The following AGAP1 variants were observed in gnomAD, a reference collection of about 807,000 sequenced individuals.
AGAP1 encodes arf-GAP with GTPase, ANK repeat and PH domain-containing protein 1.
AGAP1 carries 29 observed loss-of-function variants against 105.3 expected under a neutral mutation model. That is an observed-to-expected ratio of 0.28 (90% CI 0.21 to 0.38). The LOEUF (loss-of-function observed/expected upper bound fraction) is 0.38. Among genes scored for constraint, AGAP1 ranks in the 10% least tolerant of loss-of-function variants. AGAP1 has a pLI of 1.00. For synonymous variants in AGAP1, 509 were observed against 485.9 expected, an observed-to-expected ratio of 1.05 and a Z score of -0.63; for missense variants, 998 against 1,165.1, an observed-to-expected ratio of 0.86 and a Z score of 2.09.
chr2:235,569,271 C>T lies in AGAP1; in HGVS notation c.163+74422C>T, dbSNP rs1265026180. On this transcript the variant is annotated intron_variant, in intron 1 of 17. Coordinates refer to ENST00000304032, the MANE Select transcript of AGAP1 (RefSeq NM_001037131.3). The surrounding 1 kb of genome is among the most constrained non-coding windows in gnomAD (Gnocchi z 5.9). ...CGGAGGTTGTAGTGACCCAAGATCA[C>T]GCCATTGCACTCCAGCCTGGGCGAC... Among the ~76,000 whole-genome samples, 5 of 152,102 alleles carry T rather than the reference C, an allele frequency of 3.3e-5. No homozygotes were observed. The highest frequency in any genetic ancestry group is 2.1e-4 in the South Asian group (1 of 4,812).
chr2:236,065,441 A>G (rs569191889), intron 16 of AGAP1, among the ~76,000 whole-genome samples: 4 of 152,242 alleles, frequency 2.6e-5, no homozygotes, highest in African/African-American at 7.2e-5. Context: ...CATCAAAGAA[A>G]GCTCCCCTAA....
chr2:235,627,570 G>A (rs963639379), intron 1 of AGAP1, among the ~76,000 whole-genome samples: 10 of 152,116 alleles, frequency 6.6e-5, no homozygotes, highest in South Asian at 6.2e-4. Context: ...CAGCCTCAGC[G>A]TCTGATCGTC....
intron 1 of AGAP1, among the ~76,000 whole-genome samples, chr2:235,540,476 TGA>T (rs1047471628): frequency 1.4e-4 from 21 of 152,132 alleles, no homozygotes; most frequent in African/African-American, 4.8e-4. Flanking sequence ...TTATCCTAAT[TGA>T]GAGAATTTGA....
At chr2:235,853,133 T>C (rs769713603) in intron 9 of AGAP1, 1,013 of 1,184,694 alleles carry the variant, frequency 8.6e-4, no homozygotes, top group Non-Finnish European at 1.0e-3. Context: ...GAAAAAAACA[T>C]TTACTGGCGC....
At chr2:235,990,758 G>A (rs1428825700) in intron 13 of AGAP1, among the ~76,000 whole-genome samples, 5 of 152,236 alleles carry the variant, frequency 3.3e-5, no homozygotes, top group African/African-American at 9.6e-5. Flanking sequence ...TGGATAGAGA[G>A]TGGCAAGGTT....
chr2:235,674,135 A>T (rs1948594284), intron 1 of AGAP1, among the ~76,000 whole-genome samples: 3 of 152,170 alleles, frequency 2.0e-5, no homozygotes, highest in Admixed American at 2.0e-4. Context: ...GAACTTGTCT[A>T]TTTAGGCTCT....
chr2:235,630,663 A>G (rs6431393), intron 1 of AGAP1, among the ~76,000 whole-genome samples: 64,683 of 152,172 alleles, frequency 0.43, 14,969 homozygotes, highest in African/African-American at 0.62. Context: ...GGGGAGCAGC[A>G]GCTGATGTGT....
At chr2:235,776,220 A>G (rs1021972375) in intron 6 of AGAP1, among the ~76,000 whole-genome samples, 5 of 152,160 alleles carry the variant, frequency 3.3e-5, no homozygotes, top group Non-Finnish European at 5.9e-5. Flanking sequence ...TTAATGAATG[A>G]GAGTGACAAG....
intron 1 of AGAP1, among the ~76,000 whole-genome samples, chr2:235,626,921 C>G (rs1946656249): frequency 6.6e-6 from 1 of 151,084 alleles, no homozygotes; most frequent in Non-Finnish European, 1.5e-5. Context: ...GATCTCTGTT[C>G]TAATATGTCC....
chr2:236,031,196 C>G (rs748303465), intron 13 of AGAP1, among the ~76,000 whole-genome samples: 1 of 151,992 alleles, frequency 6.6e-6, no homozygotes, highest in African/African-American at 2.4e-5. Flanking sequence ...CTCTAAGCTT[C>G]GGAAGGAAAG....
chr2:235,867,536 AGTGTGTGTGTGTGTGTGTGT>A lies in AGAP1; in HGVS notation c.1051-15789_1051-15770del, dbSNP rs61257818. Among the ~76,000 whole-genome samples, 1 of 123,240 alleles carries A rather than the reference AGTGTGTGTGTGTGTGTGTGT, an allele frequency of 8.1e-6. No individual in the cohort carries two copies. Among genetic ancestry groups the A allele is most frequent in the African/African-American group, 2.9e-5 (1 of 35,010 alleles). 80.9% of individuals were successfully genotyped at this position (123,240 alleles called of 152,430 possible). On this transcript the variant is annotated intron_variant, in intron 9 of 17. Coordinates refer to ENST00000304032, the MANE Select transcript of AGAP1 (RefSeq NM_001037131.3). This position sits in a 1 kb window ranked among gnomAD's most constrained non-coding sequence, Gnocchi z 5.4. ...ATCATACACCTTATGCTGGTGCTGC[AGTGTGTGTGTGTGTGTGTGT>A]GTGTGTGTGTGTGTGTGTGCAAGTG...
rs2057706622 is a variant in AGAP1, at chr2:236,046,011, C to A, written c.1892-3048C>A. The stretch of plus-strand genomic sequence containing the variant: ...CGTCCTTCAGATCTGGACCTGACAG[C>A]CTGGGAGCTGCTGGGGGGAGGTAGG... On this transcript the variant is annotated intron_variant, in intron 15 of 17. Coordinates refer to ENST00000304032, the MANE Select transcript of AGAP1 (RefSeq NM_001037131.3). This position sits in a 1 kb window ranked among gnomAD's most constrained non-coding sequence, Gnocchi z 5.2. 2.1e-6 allele frequency: 1 copy of A among 471,484 alleles called. No homozygotes were observed. The highest frequency in any genetic ancestry group is 4.4e-6 in the Non-Finnish European group (1 of 227,114). 29.2% of individuals were successfully genotyped at this position (471,484 alleles called of 1,614,324 possible).
At chr2:235,852,161 C>A (rs746865531) in intron 9 of AGAP1, among the ~76,000 whole-genome samples, 3 of 152,116 alleles carry the variant, frequency 2.0e-5, no homozygotes, top group Non-Finnish European at 4.4e-5. Flanking sequence ...CATTTTTCCC[C>A]CGTTTCTGAT....
intron 1 of AGAP1, among the ~76,000 whole-genome samples, chr2:235,704,237 T>A (rs889737927): frequency 6.6e-6 from 1 of 152,234 alleles, no homozygotes; most frequent in Non-Finnish European, 1.5e-5. Context: ...TTTTCACATT[T>A]CTCAGAAATT....
Position 235,799,751 on chromosome 2 carries a change from G to A in AGAP1, c.957+229G>A, listed in dbSNP as rs1342380454. ...ATTCCTGACTTCGTGTGTCTGAAAT[G>A]AAGAGCTGGGGGTGTGTATAAAGGC... is the stretch of plus-strand genomic sequence containing the variant. On this transcript the variant is annotated intron_variant, in intron 8 of 17. Transcript: ENST00000304032. The surrounding 1 kb of genome is among the most constrained non-coding windows in gnomAD (Gnocchi z 5.0). 2.0e-5 allele frequency among the ~76,000 whole-genome samples: 3 copies of A among 152,178 alleles called. No individual in the cohort carries two copies. Among genetic ancestry groups the A allele is most frequent in the African/African-American group, 7.2e-5 (3 of 41,446 alleles).
chr2:235,688,328 T>C lies in AGAP1; in HGVS notation c.164-20851T>C, dbSNP rs540648999. ...GGTGTTTGAGGTCTGTGGTGTCTGT[T>C]TGGGGAGCAGGTGTGTGCAGGAAGG... On this transcript the variant is annotated intron_variant, in intron 1 of 17. Coordinates refer to ENST00000304032, the MANE Select transcript of AGAP1 (RefSeq NM_001037131.3). Among the ~76,000 whole-genome samples the C allele has an allele frequency of 2.0e-5, 3 of 152,312 alleles. No homozygotes were observed. The East Asian group carries it at 5.8e-4, about 29-fold the overall frequency.
At position 235,887,833 on chromosome 2, in the gene AGAP1, G is replaced by A. The variant is rs1402910777; in HGVS notation, c.1155+4384G>A. Reference sequence around the variant, plus strand: ...AAACTAGCATGCTTTTGGGGAGACGGGATTCTAATCAGCTAATACTTCTAT... The same window carrying A: ...AAACTAGCATGCTTTTGGGGAGACGAGATTCTAATCAGCTAATACTTCTAT... On this transcript the variant is annotated intron_variant, in intron 10 of 17. Transcript: ENST00000304032. The surrounding 1 kb of genome is among the most constrained non-coding windows in gnomAD (Gnocchi z 4.1). Among the ~76,000 whole-genome samples, 1 of 152,200 alleles carries A rather than the reference G, an allele frequency of 6.6e-6. No individual in the cohort carries two copies. Among genetic ancestry groups the A allele is most frequent in the Non-Finnish European group, 1.5e-5 (1 of 68,042 alleles).
rs374754076 is a variant in AGAP1 at position 235,919,709 on chromosome 2, A to AAC, written c.1324+10818_1324+10819dup. 0.011 allele frequency among the ~76,000 whole-genome samples: 1,735 copies of AAC among 152,018 alleles called. 33 individuals are homozygous for AAC. Among genetic ancestry groups the AAC allele is most frequent in the African/African-American group, 0.04 (1,663 of 41,482 alleles). On this transcript the variant is annotated intron_variant, in intron 11 of 17. Coordinates refer to ENST00000304032, the MANE Select transcript of AGAP1 (RefSeq NM_001037131.3). This position sits in a 1 kb window ranked among gnomAD's most constrained non-coding sequence, Gnocchi z 4.1. ...AAATGAAAATGAATTTCATGTTAAA[A>AAC]ACACACACACACACACCTGTTGCAT...
intron 1 of AGAP1, among the ~76,000 whole-genome samples, chr2:235,595,054 G>T (rs886186501): frequency 6.6e-6 from 1 of 152,140 alleles, no homozygotes; most frequent in African/African-American, 2.4e-5. Context: ...AGGTGAGGCG[G>T]GTGTGGCGCC....
Sources: gnomAD v4.1 joint callset for allele counts (sites outside exome capture counted in the v4.1 genomes callset) on GRCh38, gnomAD v4.1.1 for gene constraint, Gnocchi (gnomAD v3.1) non-coding constraint, MANE v1.5 for transcripts, NCBI Gene and HGNC (gene_info 2026-07-23, HGNC 2026-07-21) for gene names.